MTX1: variants seen among roughly 807,000 people sequenced by gnomAD.
MTX1 encodes the protein metaxin 1.
In MTX1, 20 loss-of-function variants were observed where a neutral mutation model predicts 39.4. The ratio of observed to expected loss-of-function variants is 0.51; its 90% CI spans 0.36 to 0.74. The LOEUF (loss-of-function observed/expected upper bound fraction) is 0.74, where lower values mean the gene tolerates loss of function less well. Among genes scored for constraint, MTX1 ranks in the 30% least tolerant of loss-of-function variants. The pLI, the probability that MTX1 is intolerant of heterozygous loss-of-function variation, is 0.00. For missense variants in MTX1, 481 were observed against 485.9 expected (o/e 0.99, Z 0.10); for synonymous variants, 209 against 198.6 (o/e 1.05, Z -0.44).
intron 3 of MTX1, chr1:155,211,906 TG>T (rs1266203725): frequency 4.7e-6 from 2 of 429,866 alleles, no homozygotes; most frequent in Non-Finnish European, 8.3e-6. Flanking sequence ...CATTGGGCGC[TG>T]GACCTTCACG....
rs761436076 is a variant in MTX1, at chr1:155,209,153, C to T, written c.349C>T (p.Leu117=). Residue 117 remains leucine (L), a synonymous_variant, in exon 1 of 8, where the codon CTG becomes TTG. Transcript: ENST00000368376. ...LASPGISPGP[L]TATIGGAVAG... is the part of the protein sequence containing the mutation. ...CTCCCCGGGGATCTCCCCAGGCCCC[C>T]TGACCGCAACGATCGGAGGGGCGGT... The T allele has an allele frequency of 6.6e-6, 10 of 1,515,596 alleles. No homozygotes were observed. The highest frequency in any genetic ancestry group is 5.6e-5 in the African/African-American group (4 of 71,364). 93.9% of individuals were successfully genotyped at this position (1,515,596 alleles called of 1,614,324 possible).
intron 1 of MTX1, 72 bp from the exon 2 acceptor site, chr1:155,210,274 G>GT: frequency 7.5e-7 from 1 of 1,338,282 alleles, no homozygotes; most frequent in South Asian, 1.2e-5. Flanking sequence ...TTCAATAAAT[G>GT]TTATTTCTCT....
chr1:155,210,433 G>C lies in MTX1; in HGVS notation c.598+18G>C, dbSNP rs756619223. 2 of 1,613,212 alleles carry C rather than the reference G, an allele frequency of 1.2e-6. No individual in the cohort carries two copies. Among genetic ancestry groups the C allele is most frequent in the Non-Finnish European group, 1.7e-6 (2 of 1,179,182 alleles). On this transcript the variant is annotated intron_variant, in intron 2 of 7. Transcript: ENST00000368376. ...CCCTTCAGGTACCCAGTATCCCTTG[G>C]GGGTAAGGAAGGGTGTGTACAAGGG...
chr1:155,210,073 G>A (rs924332132), intron 1 of MTX1, among the ~76,000 whole-genome samples: 2 of 152,198 alleles, frequency 1.3e-5, no homozygotes, highest in Non-Finnish European at 2.9e-5. Flanking sequence ...AAGCTTCTGA[G>A]GATAGATGTT....
chr1:155,212,913 T>C, intron 6 of MTX1, 143 bp downstream of exon 6: 2 of 1,427,890 alleles, frequency 1.4e-6, no homozygotes, highest in Non-Finnish European at 1.9e-6. Context: ...CTAGTGACAG[T>C]GTGACTGTGT....
Position 155,212,743 on chromosome 1 carries a change from G to A in MTX1, c.1004G>A (p.Gly335Asp), listed in dbSNP as rs771956610. Residue 335 changes from glycine (G) to aspartate (D), a missense_variant, in exon 6 of 8, where the codon GGC (glycine) becomes GAC (aspartate). By Grantham distance (94) the Gly-to-Asp change is moderately conservative. This residue lies in a region of MTX1 where 113 missense variants were observed against 153.2 expected (regional missense o/e 0.74). Transcript: ENST00000368376. ...CTGACCCTGCTCTCTCAGCGCCTGG[G>A]CTCTCAAAAGTTCTTCTTTGGAGAT... ...ECLTLLSQRL[G>D]SQKFFFGDAP... The A allele has an allele frequency of 5.6e-6, 9 of 1,597,262 alleles. No individual in the cohort carries two copies. The highest frequency in any genetic ancestry group is 1.7e-5 in the Admixed American group (1 of 57,292).
At position 155,209,087 on chromosome 1, in the gene MTX1, C is replaced by T. The variant is rs978443293; in HGVS notation, c.283C>T (p.Pro95Ser). Residue 95 changes from proline (P) to serine (S), a missense_variant, in exon 1 of 8, where the codon CCC becomes TCC. This residue lies in a region of MTX1 where 368 missense variants were observed against 332.8 expected (regional missense o/e 1.11). Coordinates refer to ENST00000368376, the MANE Select transcript of MTX1 (RefSeq NM_002455.5). The part of the protein sequence containing the change: ...PPSPEARGPV[P>S]RSSAASRARR... The stretch of plus-strand genomic sequence containing the variant: ...CTCCCCCGAGGCCCGCGGCCCAGTC[C>T]CCCGCAGTTCAGCTGCCAGTCGGGC... The T allele has an allele frequency of 6.5e-6, 10 of 1,541,836 alleles. No homozygotes were observed. The highest frequency in any genetic ancestry group is 1.2e-5 in the South Asian group (1 of 83,434).
Position 155,208,724 on chromosome 1 carries a change from G to C in MTX1, c.-81G>C, listed in dbSNP as rs1316370909. ...AAGCCCCAGCCCGGCCTCCGCTCCG[G>C]CCGCCGCCACCGCCCCTGTTTTGTT... is the stretch of plus-strand genomic sequence containing the variant. On this transcript the variant is annotated 5_prime_UTR_variant, in exon 1 of 8. Transcript: ENST00000368376. 10 of 1,347,642 alleles carry C rather than the reference G, an allele frequency of 7.4e-6. No homozygotes were observed. The highest frequency in any genetic ancestry group is 7.8e-6 in the Non-Finnish European group (8 of 1,030,300). The allele number at this position is 1,347,642 out of a possible 1,614,324, so 83.5% of individuals were successfully genotyped here. A position where few individuals can be genotyped will look rare whatever the true frequency, so the allele number is the denominator to read the frequency against.
At chr1:155,210,710 T>C in intron 3 of MTX1, 83 bp downstream of exon 3, 1 of 1,287,578 alleles carries the variant, frequency 7.8e-7, no homozygotes, top group Non-Finnish European at 1.1e-6. Context: ...GCACCAGATA[T>C]ATGCCATGCT....
chr1:155,210,814 T>G (rs1312645125), intron 3 of MTX1, 187 bp downstream of exon 3: 1 of 622,588 alleles, frequency 1.6e-6, no homozygotes, highest in Non-Finnish European at 2.8e-6. Context: ...CGGCAAGAGA[T>G]GAAACTTAGG....
chr1:155,213,243 C>T lies in MTX1; in HGVS notation c.1038C>T (p.Ala346=), dbSNP rs748917548. The T allele has an allele frequency of 1.1e-5, 6 of 537,446 alleles. No individual in the cohort carries two copies. Among genetic ancestry groups the T allele is most frequent in the Admixed American group, 3.5e-5 (1 of 28,324 alleles). 33.3% of individuals were successfully genotyped at this position (537,446 alleles called of 1,614,324 possible). A position where few individuals can be genotyped will look rare whatever the true frequency, so the allele number is the denominator to read the frequency against. Residue 346 remains alanine (A), a synonymous_variant, in exon 7 of 8, where the codon GCC becomes GCT. Transcript: ENST00000368376. ...CCTTCTCTCTCTGCTCCAGCCCTGCCTCCTTGGACGCCTTCGTCTTCAGCT... is the reference window on the plus strand; with the variant it reads ...CCTTCTCTCTCTGCTCCAGCCCTGCTTCCTTGGACGCCTTCGTCTTCAGCT... The part of the protein sequence containing the change: ...SQKFFFGDAP[A]SLDAFVFSYL...
At chr1:155,210,496 G>T in intron 2 of MTX1, 52 bp from the exon 3 acceptor site, 1 of 1,607,236 alleles carries the variant, frequency 6.2e-7, no homozygotes, top group African/African-American at 1.3e-5. Context: ...TTGCAACTAT[G>T]TATGACTAGG....
intron 3 of MTX1, chr1:155,211,176 G>A (rs535522254): frequency 6.5e-6 from 1 of 154,372 alleles, no homozygotes; most frequent in South Asian, 1.8e-4. Flanking sequence ...TTGACGGTCA[G>A]GTTCCAAGAG....
chr1:155,210,868 G>C (rs957525220), intron 3 of MTX1: 50 of 543,778 alleles, frequency 9.2e-5, no homozygotes, highest in African/African-American at 2.5e-4. Context: ...CTGAAGGAGA[G>C]TGGAAGACAG....
At chr1:155,211,348 G>C (rs1671127119) in intron 3 of MTX1, 1 of 152,466 alleles carries the variant, frequency 6.6e-6, no homozygotes, top group African/African-American at 2.4e-5. Flanking sequence ...TGTGAACAGA[G>C]CTTTTCCAGT....
chr1:155,208,729 C>T lies in MTX1; in HGVS notation c.-76C>T. On this transcript the variant is annotated 5_prime_UTR_variant, in exon 1 of 8. Coordinates refer to ENST00000368376, the MANE Select transcript of MTX1 (RefSeq NM_002455.5). ...CCAGCCCGGCCTCCGCTCCGGCCGCCGCCACCGCCCCTGTTTTGTTTCCAT... is the reference window on the plus strand; with the variant it reads ...CCAGCCCGGCCTCCGCTCCGGCCGCTGCCACCGCCCCTGTTTTGTTTCCAT... 3 of 1,399,372 alleles carry T rather than the reference C, an allele frequency of 2.1e-6. No homozygotes were observed. Among genetic ancestry groups the T allele is most frequent in the Non-Finnish European group, 1.9e-6 (2 of 1,070,508 alleles). The allele number at this position is 1,399,372 out of a possible 1,614,324, so 86.7% of individuals were successfully genotyped here. A position where few individuals can be genotyped will look rare whatever the true frequency, so the allele number is the denominator to read the frequency against.
rs1356522736 is a variant in MTX1 at position 155,208,753 on chromosome 1, A to C, written c.-52A>C. On this transcript the variant is annotated 5_prime_UTR_variant, in exon 1 of 8. It removes an upstream start codon present in the reference 5' UTR. Transcript: ENST00000368376. Reference sequence around the variant, plus strand: ...CCGCCACCGCCCCTGTTTTGTTTCCATGGCGACAGGCGGCGCAGGGCCCGC... The same window carrying C: ...CCGCCACCGCCCCTGTTTTGTTTCCCTGGCGACAGGCGGCGCAGGGCCCGC... The C allele has an allele frequency of 1.2e-5, 16 of 1,380,566 alleles. No homozygotes were observed. The highest frequency in any genetic ancestry group is 5.1e-5 in the South Asian group (3 of 59,312). 85.5% of individuals were successfully genotyped at this position (1,380,566 alleles called of 1,614,324 possible). A position where few individuals can be genotyped will look rare whatever the true frequency, so the allele number is the denominator to read the frequency against.
chr1:155,211,254 T>G (rs1343413524), intron 3 of MTX1: 1 of 152,940 alleles, frequency 6.5e-6, no homozygotes, highest in African/African-American at 2.4e-5. Flanking sequence ...ACCTGGGGAA[T>G]TAATTGAGAG....
At chr1:155,210,696 T>C (rs1671103615) in intron 3 of MTX1, 69 bp downstream of exon 3, 8 of 1,410,730 alleles carry the variant, frequency 5.7e-6, no homozygotes, top group Admixed American at 1.7e-5. Flanking sequence ...TACACATTTA[T>C]TGAGCACCAG....
Sources: allele counts gnomAD v4.1 joint callset (sites outside exome capture counted in the v4.1 genomes callset), GRCh38; gene constraint gnomAD v4.1.1; regional missense constraint gnomAD v4.1.1; transcripts MANE v1.5; gene names NCBI Gene and HGNC (gene_info 2026-07-23, HGNC 2026-07-21).